The following MAPK8 variants were observed in gnomAD, a reference collection of about 807,000 sequenced individuals.
MAPK8 encodes the protein mitogen-activated protein kinase 8, also known as JUN N-terminal kinase.
In MAPK8, 13 loss-of-function variants were observed where a neutral mutation model predicts 52.9. That is an observed-to-expected ratio of 0.25 (90% CI 0.16 to 0.39). The LOEUF is 0.39. Among genes scored for constraint, MAPK8 ranks in the 10% least tolerant of loss-of-function variants. The probability of loss-of-function intolerance (pLI) is 1.00; values close to 1 mark genes in which losing one functional copy is unlikely to be tolerated. For synonymous variants in MAPK8, 191 were observed against 169.8 expected (o/e 1.12, Z -0.97); for missense variants, 300 against 519.2 (o/e 0.58, Z 4.10).
intron 1 of MAPK8, among the ~76,000 whole-genome samples, chr10:48,395,693 AAGAAT>A (rs2041852539): frequency 6.6e-6 from 1 of 152,074 alleles, no homozygotes; most frequent in African/African-American, 2.4e-5. Context: ...TTTGAGTAAG[AAGAAT>A]AGAGCTGAAA....
At chr10:48,353,700 A>C (rs1846558498) in intron 1 of MAPK8, among the ~76,000 whole-genome samples, 1 of 152,226 alleles carries the variant, frequency 6.6e-6, no homozygotes, top group Admixed American at 6.5e-5. Context: ...TAAGAAGGGA[A>C]TGTGATGTAT....
chr10:48,363,214 A>G (rs868259658), intron 1 of MAPK8, among the ~76,000 whole-genome samples: 2 of 152,192 alleles, frequency 1.3e-5, no homozygotes, highest in Non-Finnish European at 2.9e-5. Flanking sequence ...TCAGTCCCAC[A>G]TGGGAGCAGG....
At chr10:48,405,894 A>G (rs977371612) in intron 3 of MAPK8, among the ~76,000 whole-genome samples, 8 of 436 alleles carry the variant, frequency 0.018, no homozygotes, top group Admixed American at 0.091. Context: ...TATCAAGGGA[A>G]AAAAAAATCA....
chr10:48,371,165 A>T (rs1848498312), intron 1 of MAPK8, among the ~76,000 whole-genome samples: 4 of 152,082 alleles, frequency 2.6e-5, no homozygotes. Context: ...TGATTTTTAA[A>T]ATCTCCCCAA....
intron 1 of MAPK8, among the ~76,000 whole-genome samples, chr10:48,338,324 A>G (rs1011979646): frequency 3.3e-5 from 5 of 152,210 alleles, no homozygotes; most frequent in Non-Finnish European, 5.9e-5. Context: ...AATGTAATTC[A>G]CCACATAAAC....
At chr10:48,402,974 AAT>A (rs966836238) in intron 2 of MAPK8, among the ~76,000 whole-genome samples, 2 of 152,134 alleles carry the variant, frequency 1.3e-5, no homozygotes, top group African/African-American at 4.8e-5. Context: ...CAAGATGTAG[AAT>A]ATATATATAC....
chr10:48,439,118 C>G lies in MAPK8; in HGVS notation c.*4089C>G, dbSNP rs368172662. On this transcript the variant is annotated 3_prime_UTR_variant, in exon 12 of 12. Coordinates refer to ENST00000374189, the MANE Select transcript of MAPK8 (RefSeq NM_001323329.2). ...ATGATAGCTGACATTTGCTTTTCTC[C>G]CTCTGCGATGTCATTCCTCCTCCAT... The G allele has an allele frequency of 6.6e-6, 1 of 151,912 alleles. No homozygotes were observed. The highest frequency in any genetic ancestry group is 2.1e-4 in the South Asian group (1 of 4,804). The allele number at this position is 151,912 out of a possible 1,614,324, so 9.4% of individuals were successfully genotyped here. A position where few individuals can be genotyped will look rare whatever the true frequency, so the allele number is the denominator to read the frequency against.
chr10:48,373,414 A>G (rs2040443725), intron 1 of MAPK8, among the ~76,000 whole-genome samples: 1 of 151,906 alleles, frequency 6.6e-6, no homozygotes, highest in African/African-American at 2.4e-5. Flanking sequence ...AACAGACTAA[A>G]TGCCTCCATT....
At chr10:48,397,078 T>C (rs1228160650) in intron 1 of MAPK8, among the ~76,000 whole-genome samples, 7 of 152,110 alleles carry the variant, frequency 4.6e-5, no homozygotes, top group Non-Finnish European at 7.4e-5. Context: ...GGTATAAAAC[T>C]ATTAACCAAA....
chr10:48,388,683 T>G (rs1302504542), intron 1 of MAPK8, among the ~76,000 whole-genome samples: 1 of 152,266 alleles, frequency 6.6e-6, no homozygotes, highest in Admixed American at 6.5e-5. Context: ...ACAAAATAAT[T>G]TCTCTTTAAT....
At chr10:48,336,182 C>T (rs538604404) in intron 1 of MAPK8, among the ~76,000 whole-genome samples, 2 of 152,056 alleles carry the variant, frequency 1.3e-5, no homozygotes, top group African/African-American at 4.8e-5. Context: ...AAAAGAACCA[C>T]AGATTATCAG....
intron 1 of MAPK8, among the ~76,000 whole-genome samples, chr10:48,393,533 A>T (rs2041736455): frequency 6.6e-6 from 1 of 152,108 alleles, no homozygotes; most frequent in Admixed American, 6.6e-5. Flanking sequence ...ATGTAATACC[A>T]CGGACTAGAT....
chr10:48,428,096 T>C (rs2043816971), intron 10 of MAPK8, among the ~76,000 whole-genome samples: 1 of 152,254 alleles, frequency 6.6e-6, no homozygotes, highest in African/African-American at 2.4e-5. Flanking sequence ...GTCCATGTTA[T>C]ATAGGAGTCT....
intron 2 of MAPK8, among the ~76,000 whole-genome samples, chr10:48,404,321 T>G (rs1030773547): frequency 6.6e-6 from 1 of 151,866 alleles, no homozygotes; most frequent in Non-Finnish European, 1.5e-5. Context: ...CACACCCAGC[T>G]AATTTTTTTG....
rs569213569 is a variant in MAPK8, at chr10:48,411,684, A to G, written c.450+1516A>G. Reference sequence around the variant, plus strand: ...AGAATTCTAATTAGTATTTCATTGCATCTGTAGATTGCTTAGGTAGTTTTG... The same window carrying G: ...AGAATTCTAATTAGTATTTCATTGCGTCTGTAGATTGCTTAGGTAGTTTTG... On this transcript the variant is annotated intron_variant, in intron 5 of 11. Transcript: ENST00000374189. Among the ~76,000 whole-genome samples the G allele has an allele frequency of 6.6e-5, 10 of 152,326 alleles. No individual in the cohort carries two copies. The South Asian group carries it at 1.9e-3, about 28-fold the overall frequency.
At chr10:48,387,277 T>A (rs1476853571) in intron 1 of MAPK8, among the ~76,000 whole-genome samples, 1 of 152,068 alleles carries the variant, frequency 6.6e-6, no homozygotes, top group Admixed American at 6.6e-5. Flanking sequence ...GCTGTAATAA[T>A]TTTTTTCTGG....
intron 5 of MAPK8, among the ~76,000 whole-genome samples, chr10:48,411,081 T>C (rs753815102): frequency 3.3e-5 from 5 of 152,236 alleles, no homozygotes; most frequent in Non-Finnish European, 7.3e-5. Flanking sequence ...AGGTTGTCTG[T>C]TCACTTTGCT....
intron 1 of MAPK8, among the ~76,000 whole-genome samples, chr10:48,385,153 G>A (rs574642414): frequency 9.9e-5 from 15 of 152,252 alleles, no homozygotes; most frequent in African/African-American, 3.6e-4. Context: ...AGCTTCCATA[G>A]CATGTGGCTT....
At chr10:48,402,977 A>G (rs2042236169) in intron 2 of MAPK8, among the ~76,000 whole-genome samples, 1 of 152,190 alleles carries the variant, frequency 6.6e-6, no homozygotes, top group Non-Finnish European at 1.5e-5. Context: ...GATGTAGAAT[A>G]TATATATACA....
Sources: gnomAD v4.1 joint callset for allele counts (sites outside exome capture counted in the v4.1 genomes callset) on GRCh38, gnomAD v4.1.1 for gene constraint, MANE v1.5 for transcripts, NCBI Gene and HGNC (gene_info 2026-07-23, HGNC 2026-07-21) for gene names.